GPC5: variants seen among roughly 807,000 people sequenced by gnomAD.
GPC5 encodes the protein glypican-5.
A neutral mutation model predicts 53.9 loss-of-function variants in GPC5; 47 were observed. The ratio of observed to expected loss-of-function variants is 0.87; its 90% CI spans 0.69 to 1.11. The LOEUF is 1.11. Ranked by LOEUF, GPC5 falls within the 50% of genes most tolerant of loss-of-function variation. The pLI, the probability that GPC5 is intolerant of heterozygous loss-of-function variation, is 0.00. For missense variants in GPC5, 748 were observed against 713.1 expected, an observed-to-expected ratio of 1.05 and a Z score of -0.56; for synonymous variants, 286 against 263.3, an observed-to-expected ratio of 1.09 and a Z score of -0.84.
chr13:91,705,290 T>C (rs1014696514), intron 3 of GPC5, among the ~76,000 whole-genome samples: 2 of 152,230 alleles, frequency 1.3e-5, no homozygotes, highest in Non-Finnish European at 2.9e-5. Context: ...CTTTAGCACC[T>C]ATCTTTTGAG....
At chr13:92,309,795 A>G (rs2043133812) in intron 7 of GPC5, among the ~76,000 whole-genome samples, 2 of 152,258 alleles carry the variant, frequency 1.3e-5, no homozygotes, top group African/African-American at 2.4e-5. Context: ...AGTGCACAAT[A>G]GAATATTATT....
chr13:92,754,735 G>A (rs1874779331), intron 7 of GPC5, among the ~76,000 whole-genome samples: 2 of 151,540 alleles, frequency 1.3e-5, no homozygotes, highest in African/African-American at 4.9e-5. Flanking sequence ...GACAAAGAAG[G>A]CCATTACATA....
chr13:91,761,779 C>A (rs1422648672), intron 5 of GPC5, among the ~76,000 whole-genome samples: 4 of 152,076 alleles, frequency 2.6e-5, no homozygotes, highest in Non-Finnish European at 5.9e-5. Context: ...TCAACCTTGT[C>A]CTCTTGAATA....
At chr13:92,551,586 A>G (rs1882313739) in intron 7 of GPC5, among the ~76,000 whole-genome samples, 1 of 151,898 alleles carries the variant, frequency 6.6e-6, no homozygotes, top group South Asian at 2.1e-4. Flanking sequence ...ACAAGAAGAA[A>G]GCAACCTGTT....
intron 7 of GPC5, among the ~76,000 whole-genome samples, chr13:92,707,545 A>C (rs1313204987): frequency 6.6e-6 from 1 of 152,040 alleles, no homozygotes; most frequent in Non-Finnish European, 1.5e-5. Flanking sequence ...GTGTAGGAAA[A>C]AGCATGTTAC....
At chr13:92,174,850 C>G (rs2042098315) in intron 7 of GPC5, among the ~76,000 whole-genome samples, 1 of 152,144 alleles carries the variant, frequency 6.6e-6, no homozygotes, top group South Asian at 2.1e-4. Flanking sequence ...AAAGTCCTCC[C>G]TTGAACCTTC....
At chr13:91,406,729 ATCT>A (rs1344038826) in intron 1 of GPC5, among the ~76,000 whole-genome samples, 5 of 151,482 alleles carry the variant, frequency 3.3e-5, no homozygotes, top group African/African-American at 1.2e-4. Context: ...TTCGCTTGTC[ATCT>A]TCTCCTTCTG....
intron 1 of GPC5, among the ~76,000 whole-genome samples, chr13:91,420,050 G>T (rs907707439): frequency 6.6e-6 from 1 of 152,176 alleles, no homozygotes; most frequent in Admixed American, 6.5e-5. Context: ...GGATCCTGGG[G>T]AGCTGCAGGG....
intron 7 of GPC5, among the ~76,000 whole-genome samples, chr13:92,555,336 C>A (rs1882457649): frequency 6.6e-6 from 1 of 151,216 alleles, no homozygotes; most frequent in South Asian, 2.1e-4. Context: ...CTTTAGAAAT[C>A]CTCGTTGAAA....
At chr13:92,323,265 G>C (rs1297471693) in intron 7 of GPC5, among the ~76,000 whole-genome samples, 1 of 149,466 alleles carries the variant, frequency 6.7e-6, no homozygotes, top group Admixed American at 6.7e-5. Context: ...ATACAAAATA[G>C]GTATTTTTCC....
intron 7 of GPC5, among the ~76,000 whole-genome samples, chr13:92,159,328 C>T (rs1031038604): frequency 1.3e-5 from 2 of 152,260 alleles, no homozygotes; most frequent in South Asian, 2.1e-4. Context: ...ACTCCCCAGC[C>T]TCCAGACATG....
chr13:92,193,941 AG>A (rs1338083515), intron 7 of GPC5, among the ~76,000 whole-genome samples: 4 of 152,176 alleles, frequency 2.6e-5, no homozygotes, highest in African/African-American at 9.6e-5. Context: ...ATACATTTTA[AG>A]GGGAAGAGAA....
rs1555297992 is a variant in GPC5 at position 92,639,972 on chromosome 13, T to TC, written c.1562-226310_1562-226309insC. Among the ~76,000 whole-genome samples the TC allele has an allele frequency of 9.8e-3, 1,459 of 148,510 alleles. 19 individuals are homozygous for TC. Among genetic ancestry groups the TC allele is most frequent in the African/African-American group, 0.03 (1,211 of 40,554 alleles). On this transcript the variant is annotated intron_variant, in intron 7 of 7. Coordinates refer to ENST00000377067, the MANE Select transcript of GPC5 (RefSeq NM_004466.6). ...TAAGTGATCCTGAGGATTTTTTTTT[T>TC]TCTCTCTCTCTCTCTCTCACTCTCT...
intron 7 of GPC5, among the ~76,000 whole-genome samples, chr13:92,495,175 T>C (rs1224430851): frequency 1.3e-5 from 2 of 152,250 alleles, no homozygotes; most frequent in East Asian, 3.9e-4. Flanking sequence ...AATGTCATTA[T>C]GGACATAAGA....
chr13:92,210,238 G>C (rs542959373), intron 7 of GPC5, among the ~76,000 whole-genome samples: 75 of 152,192 alleles, frequency 4.9e-4, no homozygotes, highest in Admixed American at 1.5e-3. Flanking sequence ...ACATTGATGA[G>C]ACCCTATTTT....
intron 6 of GPC5, among the ~76,000 whole-genome samples, chr13:92,070,976 G>A (rs1357187516): frequency 2.6e-5 from 4 of 152,152 alleles, no homozygotes; most frequent in South Asian, 2.1e-4. Context: ...GGTGGCTCAC[G>A]CCTGTAATCC....
chr13:91,510,131 A>G (rs1885158449), intron 2 of GPC5, among the ~76,000 whole-genome samples: 2 of 152,156 alleles, frequency 1.3e-5, no homozygotes, highest in Non-Finnish European at 2.9e-5. Flanking sequence ...CAGCTATAGA[A>G]AATTATGTAC....
Position 91,756,423 on chromosome 13 carries a change from A to G in GPC5, c.1280+3A>G, listed in dbSNP as rs1278498298. The G allele has an allele frequency of 1.9e-6, 3 of 1,571,822 alleles. No homozygotes were observed. Among genetic ancestry groups the G allele is most frequent in the Non-Finnish European group, 1.7e-6 (2 of 1,150,704 alleles). ...AATGGAGAAGATATAGTAAAAAGGT[A>G]TTTTATGTGGTCTGTGAAAACCTAC... On this transcript the variant is annotated splice_donor_region_variant and intron_variant, in intron 5 of 7. Coordinates refer to ENST00000377067, the MANE Select transcript of GPC5 (RefSeq NM_004466.6).
At chr13:91,861,334 A>G (rs1241904194) in intron 5 of GPC5, among the ~76,000 whole-genome samples, 1 of 152,112 alleles carries the variant, frequency 6.6e-6, no homozygotes, top group Non-Finnish European at 1.5e-5. Flanking sequence ...TATTACTGTC[A>G]TTTATCTATT....
Sources: gnomAD v4.1 joint callset for allele counts (sites outside exome capture counted in the v4.1 genomes callset) on GRCh38, gnomAD v4.1.1 for gene constraint, MANE v1.5 for transcripts, NCBI Gene and HGNC (gene_info 2026-07-23, HGNC 2026-07-21) for gene names.